The following RREB1 variants were observed in gnomAD, a reference collection of about 807,000 sequenced individuals.
RREB1 encodes ras responsive element binding protein 1.
Under a neutral mutation model 117.8 loss-of-function variants are expected in RREB1, and 27 were observed. That is an observed-to-expected ratio of 0.23 (90% CI 0.17 to 0.32). The LOEUF (loss-of-function observed/expected upper bound fraction) is 0.32. RREB1 is among the 10% of genes least tolerant of loss of function. RREB1 has a pLI of 1.00. For missense variants in RREB1, 2,577 were observed against 2,378.2 expected (o/e 1.08, Z -1.74); for synonymous variants, 1,298 against 1,026.7 (o/e 1.26, Z -5.05).
chr6:7,183,341 ACTATCCAT>A (rs1468132228), intron 4 of RREB1: 1 of 152,180 alleles, frequency 6.6e-6, no homozygotes, highest in Non-Finnish European at 1.5e-5. Flanking sequence ...CTCTCATGTG[ACTATCCAT>A]CTATCCATCT....
chr6:7,155,908 A>G (rs922716460), intron 1 of RREB1, among the ~76,000 whole-genome samples: 1 of 152,220 alleles, frequency 6.6e-6, no homozygotes, highest in African/African-American at 2.4e-5. Flanking sequence ...TCAGCAGACT[A>G]GAACTGAGAC....
At chr6:7,181,846 A>G in intron 3 of RREB1, 24 bp from the exon 4 acceptor site, 1 of 1,539,996 alleles carries the variant, frequency 6.5e-7, no homozygotes, top group Non-Finnish European at 9.0e-7. Context: ...CCCCATGATC[A>G]CATCAGCAAT....
intron 1 of RREB1, among the ~76,000 whole-genome samples, chr6:7,172,062 C>T (rs1764240041): frequency 6.6e-6 from 1 of 151,962 alleles, no homozygotes; most frequent in Non-Finnish European, 1.5e-5. Context: ...CCTCCTGCCT[C>T]AGCCTCCCAA....
chr6:7,238,560 A>G (rs1381915923), intron 10 of RREB1, among the ~76,000 whole-genome samples: 1 of 151,936 alleles, frequency 6.6e-6, no homozygotes, highest in African/African-American at 2.4e-5. Context: ...TGGAAGACGC[A>G]CCATGAACAC....
rs753425493 is a variant in RREB1 at position 7,250,015 on chromosome 6, G to C, written c.*1047G>C. On this transcript the variant is annotated 3_prime_UTR_variant, in exon 13 of 13. Transcript: ENST00000379938. ...GTCACTGCAGAATTTAGAAGGGGCC[G>C]TGAGCAGTCTTCCCAAGCATGGTCC... is the stretch of plus-strand genomic sequence containing the variant. The C allele has an allele frequency of 1.3e-5, 2 of 152,572 alleles. No homozygotes were observed. Among genetic ancestry groups the C allele is most frequent in the African/African-American group, 4.8e-5 (2 of 41,420 alleles). 9.5% of individuals were successfully genotyped at this position (152,572 alleles called of 1,614,324 possible). A position where few individuals can be genotyped will look rare whatever the true frequency, so the allele number is the denominator to read the frequency against.
intron 1 of RREB1, among the ~76,000 whole-genome samples, chr6:7,170,094 C>G (rs1020897501): frequency 1.3e-5 from 2 of 152,204 alleles, no homozygotes; most frequent in Admixed American, 6.5e-5. Flanking sequence ...TACCTAAGAA[C>G]AACCGACATT....
intron 1 of RREB1, among the ~76,000 whole-genome samples, chr6:7,117,406 T>G (rs1190492099): frequency 3.9e-5 from 5 of 129,444 alleles, no homozygotes; most frequent in South Asian, 5.6e-4. Context: ...TTTTTTTTTT[T>G]TTTTTTTTTT....
intron 1 of RREB1, among the ~76,000 whole-genome samples, chr6:7,158,309 T>C (rs1378777325): frequency 2.6e-5 from 4 of 152,064 alleles, no homozygotes; most frequent in Non-Finnish European, 5.9e-5. Flanking sequence ...CCTATTCCCT[T>C]TGTTCCCGTT....
chr6:7,145,053 G>C (rs934638952), intron 1 of RREB1, among the ~76,000 whole-genome samples: 1 of 152,102 alleles, frequency 6.6e-6, no homozygotes. Flanking sequence ...TAGAGGGGAA[G>C]ATCTGTCTTT....
At chr6:7,232,087 T>G (rs1344715088) in intron 10 of RREB1, among the ~76,000 whole-genome samples, 180 bp downstream of exon 10, 1 of 152,202 alleles carries the variant, frequency 6.6e-6, no homozygotes, top group Non-Finnish European at 1.5e-5. Flanking sequence ...GTGCTCTCAG[T>G]ACCCACATGG....
chr6:7,188,591 G>A (rs1378078593), intron 5 of RREB1, among the ~76,000 whole-genome samples: 2 of 152,060 alleles, frequency 1.3e-5, no homozygotes, highest in Admixed American at 1.3e-4. Context: ...ATTGATGAGT[G>A]TAGAACAGTG....
chr6:7,214,505 CA>C, intron 8 of RREB1: 1 of 152,572 alleles, frequency 6.6e-6, no homozygotes. Context: ...ATCTGGAAAC[CA>C]AAAAGAGTTG....
At position 7,181,883 on chromosome 6, in the gene RREB1, G is replaced by A. The variant is rs1421602287; in HGVS notation, c.-29G>A. ...TCCAATTTTCAGTTTTATAGCAGAG[G>A]CTTCTTAGAAGCTTAAACCCCTGTC... On this transcript the variant is annotated 5_prime_UTR_variant, in exon 4 of 13. Transcript: ENST00000379938. The A allele has an allele frequency of 6.2e-7, 1 of 1,613,508 alleles. No homozygotes were observed. Among genetic ancestry groups the A allele is most frequent in the East Asian group, 2.2e-5 (1 of 44,886 alleles).
At chr6:7,155,990 C>T (rs774433953) in intron 1 of RREB1, among the ~76,000 whole-genome samples, 2 of 152,234 alleles carry the variant, frequency 1.3e-5, no homozygotes, top group Non-Finnish European at 2.9e-5. Flanking sequence ...AGCATCACCC[C>T]TTTCGGGTTT....
chr6:7,112,873 G>A (rs193058793), intron 1 of RREB1, among the ~76,000 whole-genome samples: 5 of 152,330 alleles, frequency 3.3e-5, no homozygotes, highest in Non-Finnish European at 4.4e-5. Context: ...AACTGCAGCC[G>A]AGTGTAGCTG....
chr6:7,121,421 C>G (rs1318908356), intron 1 of RREB1, among the ~76,000 whole-genome samples: 1 of 152,172 alleles, frequency 6.6e-6, no homozygotes, highest in Non-Finnish European at 1.5e-5. Flanking sequence ...ATTTCATGAC[C>G]TGATTTTCCA....
intron 1 of RREB1, among the ~76,000 whole-genome samples, chr6:7,141,577 T>A (rs1762593593): frequency 6.6e-6 from 1 of 152,242 alleles, no homozygotes; most frequent in African/African-American, 2.4e-5. Context: ...TATGTAATTA[T>A]TTCCCCAAAT....
intron 8 of RREB1, among the ~76,000 whole-genome samples, chr6:7,221,433 A>G (rs1384626750): frequency 2.0e-5 from 3 of 151,822 alleles, no homozygotes; most frequent in East Asian, 1.9e-4. Context: ...CGGCCTCCCA[A>G]AGTGCTGGGA....
At chr6:7,200,284 T>TGTGTGTA (rs1765897463) in intron 6 of RREB1, among the ~76,000 whole-genome samples, 1 of 80,270 alleles carries the variant, frequency 1.2e-5, no homozygotes, top group African/African-American at 6.3e-5. Context: ...GTGTGTGTAT[T>TGTGTGTA]TTTTTTTTTT....
Sources: allele counts gnomAD v4.1 joint callset (sites outside exome capture counted in the v4.1 genomes callset), GRCh38; gene constraint gnomAD v4.1.1; transcripts MANE v1.5; gene names NCBI Gene and HGNC (gene_info 2026-07-23, HGNC 2026-07-21).